HYAL4: variants seen among roughly 807,000 people sequenced by gnomAD.
HYAL4 encodes hyaluronidase-4.
HYAL4 carries 37 observed loss-of-function variants against 35.2 expected under a neutral mutation model. That is an observed-to-expected ratio of 1.05 (90% CI 0.81 to 1.38). The LOEUF is 1.38. Ranked by LOEUF, HYAL4 falls within the 40% of genes most tolerant of loss-of-function variation. The pLI is 0.00. For missense variants in HYAL4, 572 were observed against 572.4 expected (o/e 1.00, Z 0.01); for synonymous variants, 198 against 203.2 (o/e 0.97, Z 0.22).
the HYAL4 span, among the ~76,000 whole-genome samples, chr7:123,789,058 C>G: frequency 6.6e-6 from 1 of 152,154 alleles, no homozygotes. Context: ...ATTCTGGAGA[C>G]TGAAATGACC....
At chr7:123,865,609 G>A (rs145371530) in intron 2 of HYAL4, among the ~76,000 whole-genome samples, 200 of 152,136 alleles carry the variant, frequency 1.3e-3, no homozygotes, top group African/African-American at 4.6e-3. Flanking sequence ...CATTTACTTA[G>A]GCCTTCTTAA....
chr7:123,857,764 C>G (rs1806486909), intron 2 of HYAL4, among the ~76,000 whole-genome samples: 1 of 150,390 alleles, frequency 6.6e-6, no homozygotes, highest in Non-Finnish European at 1.5e-5. Context: ...CAGTTGGTCA[C>G]ATAACATGTA....
At chr7:123,869,761 C>G (rs546125255) in intron 3 of HYAL4, among the ~76,000 whole-genome samples, 2 of 151,184 alleles carry the variant, frequency 1.3e-5, no homozygotes, top group East Asian at 1.9e-4. Flanking sequence ...AATCTCGGCT[C>G]ACTGCACCCC....
At chr7:123,874,696 C>T (rs1584929430) in intron 3 of HYAL4, 65 bp from the exon 4 acceptor site, 20 of 981,060 alleles carry the variant, frequency 2.0e-5, no homozygotes, top group East Asian at 1.7e-4. Context: ...TGAGCCACCG[C>T]GCCCAGCCCC....
the HYAL4 span, among the ~76,000 whole-genome samples, chr7:123,809,393 CTTTTTTTTTTTT>C: frequency 2.5e-4 from 32 of 129,576 alleles, no homozygotes; most frequent in Non-Finnish European, 4.4e-4. Context: ...TTTTCTTCTT[CTTTTTTTTTTTT>C]TTTTTTTTGA....
chr7:123,765,712 A>C, the HYAL4 span, among the ~76,000 whole-genome samples: 2 of 152,184 alleles, frequency 1.3e-5, no homozygotes, highest in African/African-American at 4.8e-5. Flanking sequence ...TGTAATCAGC[A>C]TTTCAACTAA....
intron 2 of HYAL4, among the ~76,000 whole-genome samples, chr7:123,867,511 G>A (rs1806719290): frequency 6.6e-6 from 1 of 151,960 alleles, no homozygotes; most frequent in Admixed American, 6.6e-5. Flanking sequence ...ACCCAGATAA[G>A]ACAAATATAA....
At chr7:123,847,320 G>A (rs541692232) in intron 1 of HYAL4, among the ~76,000 whole-genome samples, 1 of 151,978 alleles carries the variant, frequency 6.6e-6, no homozygotes, top group Non-Finnish European at 1.5e-5. Flanking sequence ...TCTAATCCTA[G>A]GTGCTGAAAA....
chr7:123,799,162 T>G, the HYAL4 span, among the ~76,000 whole-genome samples: 5 of 152,176 alleles, frequency 3.3e-5, no homozygotes, highest in Non-Finnish European at 7.3e-5. Context: ...CTTTTAGTAT[T>G]GATAAAGTAA....
At chr7:123,820,287 T>C in the HYAL4 span, among the ~76,000 whole-genome samples, 1 of 152,106 alleles carries the variant, frequency 6.6e-6, no homozygotes, top group East Asian at 1.9e-4. Context: ...CAATCTACTC[T>C]GTTCTGGCTG....
chr7:123,837,881 G>T (rs1239800286), intron 1 of HYAL4, among the ~76,000 whole-genome samples: 1 of 152,052 alleles, frequency 6.6e-6, no homozygotes, highest in South Asian at 2.1e-4. Context: ...GTATTCTATG[G>T]TGTATATGTG....
chr7:123,833,586 A>G (rs1048200162), intron 1 of HYAL4, among the ~76,000 whole-genome samples: 3 of 151,998 alleles, frequency 2.0e-5, no homozygotes, highest in African/African-American at 7.3e-5. Flanking sequence ...TAGTTTAATT[A>G]AGTTCCACCT....
At chr7:123,845,973 G>T (rs899653558) in intron 1 of HYAL4, among the ~76,000 whole-genome samples, 3 of 152,196 alleles carry the variant, frequency 2.0e-5, no homozygotes, top group Non-Finnish European at 2.9e-5. Flanking sequence ...GGCACTGAGG[G>T]TTGTCTGCAC....
intron 2 of HYAL4, among the ~76,000 whole-genome samples, chr7:123,862,618 CAATT>C (rs886952869): frequency 3.9e-5 from 6 of 152,128 alleles, no homozygotes; most frequent in African/African-American, 1.4e-4. Context: ...CAAATTAGTG[CAATT>C]AATTTATTGA....
chr7:123,849,221 C>T (rs1806241623), intron 2 of HYAL4, among the ~76,000 whole-genome samples: 1 of 152,018 alleles, frequency 6.6e-6, no homozygotes, highest in African/African-American at 2.4e-5. Flanking sequence ...GATAATAAAA[C>T]TTGTTATCTC....
At chr7:123,802,097 A>G in the HYAL4 span, among the ~76,000 whole-genome samples, 1 of 152,322 alleles carries the variant, frequency 6.6e-6, no homozygotes, top group East Asian at 1.9e-4. Context: ...ATGATCTCCA[A>G]GTATGACTGT....
chr7:123,860,808 A>G (rs1261910961), intron 2 of HYAL4, among the ~76,000 whole-genome samples: 1 of 152,208 alleles, frequency 6.6e-6, no homozygotes, highest in Non-Finnish European at 1.5e-5. Flanking sequence ...TGTTTCCACT[A>G]GGAATGTACT....
the HYAL4 span, among the ~76,000 whole-genome samples, chr7:123,804,094 A>G: frequency 1.3e-5 from 2 of 152,214 alleles, no homozygotes; most frequent in Non-Finnish European, 2.9e-5. Context: ...ATGCTAAGAA[A>G]ATGTAGCTTT....
the HYAL4 span, among the ~76,000 whole-genome samples, chr7:123,801,404 A>T: frequency 1.3e-5 from 2 of 152,242 alleles, no homozygotes; most frequent in Non-Finnish European, 2.9e-5. Context: ...AATCAAAAAT[A>T]GGTAAACTAT....
Sources: gnomAD v4.1 joint callset for allele counts (sites outside exome capture counted in the v4.1 genomes callset) on GRCh38, gnomAD v4.1.1 for gene constraint, MANE v1.5 for transcripts, NCBI Gene and HGNC (gene_info 2026-07-23, HGNC 2026-07-21) for gene names.